Variants in TMOD1 observed in about 807,000 individuals in gnomAD.
TMOD1 encodes the protein tropomodulin-1.
TMOD1 carries 17 observed loss-of-function variants against 40.6 expected under a neutral mutation model. The ratio of observed to expected loss-of-function variants is 0.42; its 90% CI spans 0.29 to 0.63. The LOEUF (loss-of-function observed/expected upper bound fraction) is 0.63, where lower values mean the gene tolerates loss of function less well. TMOD1 is among the 20% of genes least tolerant of loss of function. The pLI, the probability that TMOD1 is intolerant of heterozygous loss-of-function variation, is 0.22. For missense variants in TMOD1, 391 were observed against 447.6 expected (o/e 0.87, Z 1.14); for synonymous variants, 181 against 175.0 (o/e 1.03, Z -0.27).
chr9:97,598,029 T>G (rs1826151684), intron 9 of TMOD1, among the ~76,000 whole-genome samples: 1 of 151,618 alleles, frequency 6.6e-6, no homozygotes, highest in Non-Finnish European at 1.5e-5. Flanking sequence ...TCAAGATGAG[T>G]CAAAAGTCTT....
chr9:97,592,211 C>T (rs942178131), intron 9 of TMOD1, among the ~76,000 whole-genome samples: 1 of 151,480 alleles, frequency 6.6e-6, no homozygotes, highest in East Asian at 1.9e-4. Context: ...CTGCTGGCTG[C>T]CAAAAAAGAA....
rs868548975 is a variant in TMOD1 at position 97,502,132 on chromosome 9, G to A, written c.-49+329G>A. On this transcript the variant is annotated intron_variant, in intron 1 of 9. Coordinates refer to ENST00000259365, the MANE Select transcript of TMOD1 (RefSeq NM_003275.4). This position sits in a 1 kb window ranked among gnomAD's most constrained non-coding sequence, Gnocchi z 6.1. Reference sequence around the variant, plus strand: ...CTGGAGGAGACGGCGCCCCGGGCTGGGGTCCTGGCGGAGGGGCGCCCCCGC... The same window carrying A: ...CTGGAGGAGACGGCGCCCCGGGCTGAGGTCCTGGCGGAGGGGCGCCCCCGC... Among the ~76,000 whole-genome samples, 5 of 151,988 alleles carry A rather than the reference G, an allele frequency of 3.3e-5. No homozygotes were observed. The highest frequency in any genetic ancestry group is 2.0e-4 in the Admixed American group (3 of 15,276).
chr9:97,521,958 G>A (rs1246286486), intron 1 of TMOD1, among the ~76,000 whole-genome samples: 1 of 152,146 alleles, frequency 6.6e-6, no homozygotes, highest in Non-Finnish European at 1.5e-5. Context: ...GTTTTGGATC[G>A]ATTGGTTGAC....
At chr9:97,523,690 T>C (rs1046734687) in intron 1 of TMOD1, among the ~76,000 whole-genome samples, 4 of 152,184 alleles carry the variant, frequency 2.6e-5, no homozygotes, top group Admixed American at 2.6e-4. Context: ...ATGGTGTAGG[T>C]GAGGGGCCTG....
chr9:97,511,085 GACACAC>G lies in TMOD1; in HGVS notation c.-49+9304_-49+9309del, dbSNP rs57982813. On this transcript the variant is annotated intron_variant, in intron 1 of 9. Transcript: ENST00000259365. ...ACCCGCGCGCGCACACACACACACA[GACACAC>G]ACACACACACACACACACACAGGCT... Among the ~76,000 whole-genome samples the G allele has an allele frequency of 4.8e-5, 7 of 144,412 alleles. No individual in the cohort carries two copies. The East Asian group carries it at 1.0e-3, about 21-fold the overall frequency. The allele number at this position is 144,412 out of a possible 152,430, so 94.7% of individuals were successfully genotyped here.
intron 1 of TMOD1, among the ~76,000 whole-genome samples, chr9:97,519,244 G>A (rs1829878155): frequency 1.3e-5 from 2 of 152,150 alleles, no homozygotes; most frequent in Admixed American, 1.3e-4. Flanking sequence ...CCTGATGGAT[G>A]GCCTCAGCCT....
chr9:97,563,088 C>G (rs1830665376), intron 5 of TMOD1, among the ~76,000 whole-genome samples: 1 of 152,174 alleles, frequency 6.6e-6, no homozygotes, highest in Non-Finnish European at 1.5e-5. Flanking sequence ...GGGTCTTGCT[C>G]TGTCAGCCAG....
intron 4 of TMOD1, 121 bp from the exon 5 acceptor site, chr9:97,562,611 T>A (rs2297163): frequency 0.21 from 134,857 of 654,190 alleles, 14,687 homozygotes; most frequent in South Asian, 0.32. Context: ...ATTTTGAAGT[T>A]TTCATGCAAG....
chr9:97,548,314 T>C (rs749881259), intron 3 of TMOD1, among the ~76,000 whole-genome samples: 15 of 152,166 alleles, frequency 9.9e-5, no homozygotes, highest in Non-Finnish European at 1.5e-4. Context: ...TGCAGAGGAC[T>C]TCAAACCATT....
intron 5 of TMOD1, 51 bp downstream of exon 5, chr9:97,562,872 A>G (rs747857420): frequency 7.0e-7 from 1 of 1,428,038 alleles, no homozygotes; most frequent in Non-Finnish European, 9.6e-7. Context: ...TGCTTCCTCC[A>G]CTCACTGATG....
intron 8 of TMOD1, among the ~76,000 whole-genome samples, chr9:97,589,946 C>T (rs982400989): frequency 1.3e-5 from 2 of 151,890 alleles, no homozygotes; most frequent in African/African-American, 4.8e-5. Context: ...AAACTTTCTC[C>T]CCAAATCCCA....
chr9:97,590,710 A>G (rs1480727711), intron 8 of TMOD1, among the ~76,000 whole-genome samples: 1 of 152,010 alleles, frequency 6.6e-6, no homozygotes, highest in Non-Finnish European at 1.5e-5. Context: ...ATATGATCAG[A>G]ATTGGGCTTT....
chr9:97,510,037 A>G (rs1328064713), intron 1 of TMOD1, among the ~76,000 whole-genome samples: 1 of 152,088 alleles, frequency 6.6e-6, no homozygotes, highest in Non-Finnish European at 1.5e-5. Context: ...TGAAGCAAAT[A>G]TATTTTCCCC....
At chr9:97,505,888 C>G (rs1368365262) in intron 1 of TMOD1, among the ~76,000 whole-genome samples, 2 of 152,182 alleles carry the variant, frequency 1.3e-5, no homozygotes, top group East Asian at 3.8e-4. Context: ...TGCCTCAAGT[C>G]ATTCCTTCTT....
chr9:97,541,384 C>T (rs1376704498), intron 2 of TMOD1, among the ~76,000 whole-genome samples: 7 of 151,974 alleles, frequency 4.6e-5, no homozygotes, highest in African/African-American at 1.4e-4. Context: ...GACGGGGTTT[C>T]GCCATGTTGG....
At position 97,559,827 on chromosome 9, in the gene TMOD1, CTATCTATCTATCTATCTATCTA is replaced by C. The variant is rs1321725517; in HGVS notation, c.398-2903_398-2882del. On this transcript the variant is annotated intron_variant, in intron 4 of 9. Transcript: ENST00000259365. ...TATATATATATATATATATATATGTCTATCTATCTATCTATCTATCTATCTCCAGAGATTCTGATTGGTTGGT... is the reference window on the plus strand; with the variant it reads ...TATATATATATATATATATATATGTCTCTCCAGAGATTCTGATTGGTTGGT... Among the ~76,000 whole-genome samples, 25 of 27,988 alleles carry C rather than the reference CTATCTATCTATCTATCTATCTA, an allele frequency of 8.9e-4. 1 individual carries two copies. Among genetic ancestry groups the C allele is most frequent in the African/African-American group, 3.9e-3 (24 of 6,226 alleles). The allele number at this position is 27,988 out of a possible 152,430, so 18.4% of individuals were successfully genotyped here. A position where few individuals can be genotyped will look rare whatever the true frequency, so the allele number is the denominator to read the frequency against.
intron 8 of TMOD1, among the ~76,000 whole-genome samples, chr9:97,583,988 T>G (rs1014412274): frequency 3.3e-5 from 5 of 152,154 alleles, no homozygotes; most frequent in Non-Finnish European, 2.9e-5. Context: ...GGGTTTTTTT[T>G]GTCTCTATTT....
At chr9:97,524,346 G>C (rs756682980) in intron 2 of TMOD1, 38 bp downstream of exon 2, 1 of 1,605,046 alleles carries the variant, frequency 6.2e-7, no homozygotes, top group East Asian at 2.2e-5. Flanking sequence ...TGTCACTAGC[G>C]AGGGGACCTG....
chr9:97,542,609 T>C (rs145285715), intron 2 of TMOD1, among the ~76,000 whole-genome samples: 40 of 152,188 alleles, frequency 2.6e-4, no homozygotes, highest in African/African-American at 9.6e-4. Context: ...TTCCAGCACT[T>C]TGGGAGGCCG....
Sources: allele counts gnomAD v4.1 joint callset (sites outside exome capture counted in the v4.1 genomes callset), GRCh38; gene constraint gnomAD v4.1.1; non-coding constraint Gnocchi (gnomAD v3.1); transcripts MANE v1.5; gene names NCBI Gene and HGNC (gene_info 2026-07-23, HGNC 2026-07-21).